The following SLC24A2 variants were observed in gnomAD, a reference collection of about 807,000 sequenced individuals.
SLC24A2 encodes the protein solute carrier family 24 member 2.
Under a neutral mutation model 62.0 loss-of-function variants are expected in SLC24A2, and 36 were observed. The ratio of observed to expected loss-of-function variants is 0.58; its 90% confidence interval spans 0.44 to 0.77. SLC24A2 has a LOEUF of 0.77. Ranked by LOEUF, SLC24A2 falls within the 30% of genes least tolerant of loss-of-function variation. SLC24A2 has a pLI of 0.00. For missense variants in SLC24A2, 846 were observed against 817.9 expected (o/e 1.03, Z -0.42); for synonymous variants, 358 against 294.0 (o/e 1.22, Z -2.23).
the SLC24A2 span, among the ~76,000 whole-genome samples, chr9:19,952,688 G>C: frequency 7.0e-6 from 1 of 142,104 alleles, no homozygotes; most frequent in Non-Finnish European, 1.5e-5. Flanking sequence ...CAGTGTTCAT[G>C]AGGTGCAATC....
chr9:20,223,218 T>C, the SLC24A2 span, among the ~76,000 whole-genome samples: 1 of 152,148 alleles, frequency 6.6e-6, no homozygotes, highest in African/African-American at 2.4e-5. Flanking sequence ...TGGAAGAAGC[T>C]TTAAAACAGC....
chr9:19,948,053 A>C, the SLC24A2 span, among the ~76,000 whole-genome samples: 1 of 152,270 alleles, frequency 6.6e-6, no homozygotes, highest in Non-Finnish European at 1.5e-5. Flanking sequence ...ATCATCTCAA[A>C]CATATTTCCC....
chr9:20,019,700 CA>C, the SLC24A2 span, among the ~76,000 whole-genome samples: 1 of 152,214 alleles, frequency 6.6e-6, no homozygotes, highest in East Asian at 1.9e-4. Context: ...GAAATGGCAA[CA>C]AAAGCCAAAA....
At chr9:19,741,874 A>G (rs1273629859) in intron 2 of SLC24A2, among the ~76,000 whole-genome samples, 5 of 152,226 alleles carry the variant, frequency 3.3e-5, no homozygotes, top group African/African-American at 1.2e-4. Context: ...AGCAATTTCA[A>G]TTATTTGAAA....
intron 2 of SLC24A2, among the ~76,000 whole-genome samples, chr9:19,748,415 T>C (rs1821893532): frequency 6.6e-6 from 1 of 152,192 alleles, no homozygotes; most frequent in South Asian, 2.1e-4. Flanking sequence ...CAAGAAGTTT[T>C]AGACTGGCCT....
the SLC24A2 span, among the ~76,000 whole-genome samples, chr9:19,881,372 A>ACC: frequency 6.6e-6 from 1 of 152,222 alleles, no homozygotes; most frequent in South Asian, 2.1e-4. Context: ...TGTGCTGTTG[A>ACC]CAGGTTAAAT....
chr9:19,931,034 C>T, the SLC24A2 span, among the ~76,000 whole-genome samples: 2 of 152,204 alleles, frequency 1.3e-5, no homozygotes, highest in Middle Eastern at 3.4e-3. Context: ...TTGAAACCTC[C>T]AAGAAAAGAC....
chr9:20,212,854 GA>G, the SLC24A2 span, among the ~76,000 whole-genome samples: 1 of 151,538 alleles, frequency 6.6e-6, no homozygotes, highest in Non-Finnish European at 1.5e-5. Context: ...TCAAAAAACA[GA>G]AATTTTATCA....
the SLC24A2 span, among the ~76,000 whole-genome samples, chr9:20,107,969 C>T: frequency 7.8e-3 from 1,182 of 152,176 alleles, 19 homozygotes; most frequent in African/African-American, 0.025. Context: ...ACTGTAGATC[C>T]AGAATCTACA....
the SLC24A2 span, among the ~76,000 whole-genome samples, chr9:19,794,431 A>C: frequency 6.6e-6 from 1 of 152,170 alleles, no homozygotes; most frequent in Non-Finnish European, 1.5e-5. Context: ...GAAGGGAACA[A>C]TAAACATGGA....
the SLC24A2 span, among the ~76,000 whole-genome samples, chr9:19,975,416 G>A: frequency 9.2e-5 from 14 of 152,136 alleles, no homozygotes; most frequent in South Asian, 2.1e-4. Flanking sequence ...TGTCCATCTC[G>A]TGCAACATGG....
At chr9:20,127,767 G>A in the SLC24A2 span, among the ~76,000 whole-genome samples, 2 of 152,098 alleles carry the variant, frequency 1.3e-5, no homozygotes, top group Non-Finnish European at 2.9e-5. Flanking sequence ...TAGTGCTCTG[G>A]AGGGCACGGA....
At chr9:19,937,984 C>T in the SLC24A2 span, among the ~76,000 whole-genome samples, 6 of 152,100 alleles carry the variant, frequency 3.9e-5, no homozygotes, top group African/African-American at 1.4e-4. Context: ...AAGAAGAAAA[C>T]AGAACAGTAT....
chr9:20,245,032 G>C, the SLC24A2 span, among the ~76,000 whole-genome samples: 1 of 152,254 alleles, frequency 6.6e-6, no homozygotes, highest in East Asian at 1.9e-4. Flanking sequence ...TTCCTGTGGA[G>C]GTTTTTTAGC....
chr9:20,081,332 C>T, the SLC24A2 span, among the ~76,000 whole-genome samples: 2 of 151,634 alleles, frequency 1.3e-5, no homozygotes, highest in African/African-American at 4.8e-5. Context: ...TTTGTAGGGA[C>T]ATGGATGAAG....
intron 5 of SLC24A2, among the ~76,000 whole-genome samples, chr9:19,590,305 A>G (rs1202010049): frequency 6.6e-6 from 1 of 151,948 alleles, no homozygotes; most frequent in African/African-American, 2.4e-5. Context: ...ATCTGACTCA[A>G]TCTCCCACTC....
intron 7 of SLC24A2, among the ~76,000 whole-genome samples, chr9:19,555,855 G>C (rs962932535): frequency 1.3e-5 from 2 of 152,162 alleles, no homozygotes; most frequent in African/African-American, 4.8e-5. Flanking sequence ...TGAGGCAGGA[G>C]AATCACTTGA....
chr9:19,992,212 C>T, the SLC24A2 span, among the ~76,000 whole-genome samples: 2 of 152,090 alleles, frequency 1.3e-5, no homozygotes, highest in Non-Finnish European at 2.9e-5. Flanking sequence ...TCTGTATATA[C>T]CGGGGGGATG....
rs1821790272 is a variant in SLC24A2 at position 19,744,977 on chromosome 9, T to G, written c.930+40960A>C. On this transcript the variant is annotated intron_variant, in intron 2 of 10. Coordinates refer to ENST00000341998, the MANE Select transcript of SLC24A2 (RefSeq NM_020344.4). ...TAACTAGTTGATATGGTCTGGACATTTGTCATCCAAATCTCCTGTTGAAAT... is the reference window on the plus strand; with the variant it reads ...TAACTAGTTGATATGGTCTGGACATGTGTCATCCAAATCTCCTGTTGAAAT... Among the ~76,000 whole-genome samples the G allele has an allele frequency of 2.6e-5, 4 of 152,178 alleles. No individual in the cohort carries two copies. In the South Asian group the frequency reaches 6.2e-4, roughly 24 times the overall value.
Sources: gnomAD v4.1 joint callset for allele counts (sites outside exome capture counted in the v4.1 genomes callset) on GRCh38, gnomAD v4.1.1 for gene constraint, MANE v1.5 for transcripts, NCBI Gene and HGNC (gene_info 2026-07-23, HGNC 2026-07-21) for gene names.